Variants in MCM5 observed in about 807,000 individuals in gnomAD.
MCM5 encodes minichromosome maintenance complex component 5, also known as DNA replication licensing factor MCM5.
MCM5 carries 46 observed loss-of-function variants against 79.9 expected under a neutral mutation model. The observed-to-expected ratio is 0.58, with a 90% CI of 0.45 to 0.74. MCM5 has a LOEUF of 0.74. Among genes scored for constraint, MCM5 ranks in the 30% least tolerant of loss-of-function variants. MCM5 has a pLI of 0.00. For missense variants in MCM5, 883 were observed against 1,017.0 expected (o/e 0.87, Z 1.79); for synonymous variants, 404 against 390.5 (o/e 1.03, Z -0.41).
Position 35,424,187 on chromosome 22 carries a change from C to G in MCM5, c.2137C>G (p.Gln713Glu). The change falls in exon 17 of 17, where the codon CAG becomes GAG. Residue 713 changes from glutamine (Q) to glutamate (E), a missense_variant. This residue lies in a region of MCM5 where 426 missense variants were observed against 482.3 expected (regional missense o/e 0.88). Coordinates refer to ENST00000216122, the MANE Select transcript of MCM5 (RefSeq NM_006739.4). ...GGAGCACGCCATCCACAAGGTGCTG[C>G]AGCTCATGCTGCGGCGCGGCGAGAT... ...YPEHAIHKVL[Q>E]LMLRRGEIQH... is the part of the protein sequence containing the mutation. 1 of 1,553,118 alleles carries G rather than the reference C, an allele frequency of 6.4e-7. No homozygotes were observed. The highest frequency in any genetic ancestry group is 8.7e-7 in the Non-Finnish European group (1 of 1,147,806).
rs755198219 is a variant in MCM5 at position 35,403,290 on chromosome 22, T to C, written c.251T>C (p.Leu84Pro). The C allele has an allele frequency of 1.9e-6, 3 of 1,614,178 alleles. No individual in the cohort carries two copies. Among genetic ancestry groups the C allele is most frequent in the Non-Finnish European group, 2.5e-6 (3 of 1,180,046 alleles). The stretch of plus-strand genomic sequence containing the variant: ...GATCTGGCCAGCTTTGATGAGGACC[T>C]GGCCGACTACTTGTACAAGCAGCCA... ...MEDLASFDED[L>P]ADYLYKQPAE... Residue 84 changes from leucine to proline, a missense_variant, in exon 3 of 17, where the codon CTG (leucine) becomes CCG (proline). Physicochemically the swap from Leu to Pro is moderately conservative, Grantham distance 98 (BLOSUM62 -3). Around this residue, in one of 3 missense-constraint regions of MCM5, gnomAD observed 455 missense variants for 517.5 expected, o/e 0.88. Coordinates refer to ENST00000216122, the MANE Select transcript of MCM5 (RefSeq NM_006739.4).
the MCM5 span, among the ~76,000 whole-genome samples, chr22:35,445,398 G>T: frequency 7.8e-6 from 1 of 127,854 alleles, no homozygotes; most frequent in Non-Finnish European, 1.5e-5. Flanking sequence ...GCTCGATCTC[G>T]GCTCACTACA....
At position 35,406,421 on chromosome 22, in the gene MCM5, C is replaced by T. The variant is rs1601753333; in HGVS notation, c.424-132C>T. 7.8e-6 allele frequency: 6 copies of T among 771,600 alleles called. No individual in the cohort carries two copies. In the East Asian group the frequency reaches 1.1e-4, roughly 14 times the overall value. 47.8% of individuals were successfully genotyped at this position (771,600 alleles called of 1,614,324 possible). Reference sequence around the variant, plus strand: ...CTCTGGAAGCATTTTTTGAGCGGAACAGAAGAGCTGTGGCCCTCCCTGCAG... The same window carrying T: ...CTCTGGAAGCATTTTTTGAGCGGAATAGAAGAGCTGTGGCCCTCCCTGCAG... On this transcript the variant is annotated intron_variant, in intron 4 of 16. Transcript: ENST00000216122.
the MCM5 span, among the ~76,000 whole-genome samples, chr22:35,440,514 G>A: frequency 8.5e-3 from 1,293 of 152,272 alleles, 10 homozygotes; most frequent in Middle Eastern, 0.017. Flanking sequence ...GAGGAGGTAC[G>A]GACCCTGCCT....
At chr22:35,405,111 C>T (rs754386285) in intron 4 of MCM5, among the ~76,000 whole-genome samples, 4 of 147,286 alleles carry the variant, frequency 2.7e-5, no homozygotes, top group Admixed American at 1.3e-4. Context: ...CTGCAACTTC[C>T]GCCTCATGGG....
chr22:35,416,513 G>C (rs1429848367), intron 11 of MCM5, 109 bp downstream of exon 11: 3 of 23,114 alleles, frequency 1.3e-4, no homozygotes, highest in Non-Finnish European at 2.7e-4. Flanking sequence ...CCTAGAATCT[G>C]TGTGTGTGTG....
chr22:35,432,451 TG>T, the MCM5 span, among the ~76,000 whole-genome samples: 1 of 152,184 alleles, frequency 6.6e-6, no homozygotes, highest in African/African-American at 2.4e-5. Context: ...GTGACGGTTC[TG>T]TTCACGGCCC....
At chr22:35,423,533 TG>T in intron 16 of MCM5, 192 bp downstream of exon 16, 1 of 515,208 alleles carries the variant, frequency 1.9e-6, no homozygotes, top group Non-Finnish European at 3.1e-6. Context: ...GGAGCAGGGA[TG>T]GGGGTATTTT....
At chr22:35,406,234 GTCTC>G (rs1228879391) in intron 4 of MCM5, among the ~76,000 whole-genome samples, 1 of 150,610 alleles carries the variant, frequency 6.6e-6, no homozygotes, top group Non-Finnish European at 1.5e-5. Flanking sequence ...CTGGGGTCAG[GTCTC>G]TCTCCTGGCA....
At chr22:35,410,494 C>T in intron 6 of MCM5, 1 of 472,636 alleles carries the variant, frequency 2.1e-6, no homozygotes, top group East Asian at 4.2e-5. Context: ...AGAGTCAGGC[C>T]ACCACCTGCC....
At chr22:35,435,286 G>T in the MCM5 span, among the ~76,000 whole-genome samples, 1 of 152,248 alleles carries the variant, frequency 6.6e-6, no homozygotes, top group East Asian at 1.9e-4. Context: ...CCCTGGTGAG[G>T]ACCTCTGTCT....
At chr22:35,416,282 T>TG (rs1335179722) in intron 10 of MCM5, 57 bp from the exon 11 acceptor site, 2 of 1,525,116 alleles carry the variant, frequency 1.3e-6, no homozygotes, top group African/African-American at 1.4e-5. Flanking sequence ...CTGTTTCTAC[T>TG]GCTCCCTGCT....
At chr22:35,424,016 A>G in intron 16 of MCM5, 138 bp from the exon 17 acceptor site, 1 of 601,082 alleles carries the variant, frequency 1.7e-6, no homozygotes. Context: ...TCTGGTACAC[A>G]GTGGGCACTC....
chr22:35,418,614 C>T (rs370492503), intron 13 of MCM5, among the ~76,000 whole-genome samples: 1 of 151,220 alleles, frequency 6.6e-6, no homozygotes, highest in Non-Finnish European at 1.5e-5. Flanking sequence ...GAGCTGAGAT[C>T]GTGCCATTGC....
the MCM5 span, among the ~76,000 whole-genome samples, chr22:35,439,390 TCCA>T: frequency 4.6e-5 from 4 of 86,862 alleles, no homozygotes; most frequent in African/African-American, 1.1e-4. Flanking sequence ...TATCCATACA[TCCA>T]CCCACCCACC....
At position 35,400,945 on chromosome 22, in the gene MCM5, G is replaced by A. The variant is rs4645734; in HGVS notation, c.167+340G>A. The stretch of plus-strand genomic sequence containing the variant: ...AGCGATTCTTGTGCCTCAGCCTCCC[G>A]AGTAGGTGGGACTACCCCCGCCATC... On this transcript the variant is annotated intron_variant, in intron 2 of 16. Coordinates refer to ENST00000216122, the MANE Select transcript of MCM5 (RefSeq NM_006739.4). 4.6e-5 allele frequency among the ~76,000 whole-genome samples: 7 copies of A among 152,156 alleles called. 1 individual carries two copies. In the South Asian group the frequency reaches 8.3e-4, roughly 18 times the overall value.
chr22:35,409,024 G>A (rs972757048), intron 6 of MCM5, among the ~76,000 whole-genome samples: 20 of 151,868 alleles, frequency 1.3e-4, no homozygotes, highest in African/African-American at 4.1e-4. Context: ...GTGCAGTGGC[G>A]CGATCTCGGC....
chr22:35,429,457 A>G (rs563339629), downstream of MCM5, among the ~76,000 whole-genome samples: 554 of 152,212 alleles, frequency 3.6e-3, 1 homozygote, highest in Non-Finnish European at 6.2e-3. Context: ...TCAAGATTTC[A>G]AGATTGATTG....
chr22:35,423,121 C>G, intron 15 of MCM5, 93 bp from the exon 16 acceptor site: 1 of 1,392,908 alleles, frequency 7.2e-7, no homozygotes. Context: ...CGGGGCCTGG[C>G]TCAGGCTGTT....
Sources: allele counts gnomAD v4.1 joint callset (sites outside exome capture counted in the v4.1 genomes callset), GRCh38; gene constraint gnomAD v4.1.1; regional missense constraint gnomAD v4.1.1; transcripts MANE v1.5; gene names NCBI Gene and HGNC (gene_info 2026-07-23, HGNC 2026-07-21).